The following ADGRL2 variants were observed in gnomAD, a reference collection of about 807,000 sequenced individuals.
ADGRL2 encodes adhesion G protein-coupled receptor L2.
In ADGRL2, 44 loss-of-function variants were observed where a neutral mutation model predicts 157.4. That is an observed-to-expected ratio of 0.28 (90% CI 0.22 to 0.36). The LOEUF is 0.36. ADGRL2 is among the 10% of genes least tolerant of loss of function. ADGRL2 has a pLI of 1.00. For synonymous variants in ADGRL2, 585 were observed against 624.7 expected (o/e 0.94, Z 0.95); for missense variants, 1,510 against 1,768.9 (o/e 0.85, Z 2.63).
intron 1 of ADGRL2, among the ~76,000 whole-genome samples, chr1:81,830,152 G>T (rs2091838335): frequency 6.6e-6 from 1 of 152,076 alleles, no homozygotes; most frequent in Non-Finnish European, 1.5e-5. Context: ...CTTGAAGGTG[G>T]CAGCTATATC....
intron 1 of ADGRL2, among the ~76,000 whole-genome samples, chr1:81,440,158 T>C (rs556290615): frequency 2.6e-5 from 4 of 152,196 alleles, no homozygotes; most frequent in Non-Finnish European, 4.4e-5. Flanking sequence ...TGAGGATCAA[T>C]CAGAGGAAAG....
rs1013547957 is a variant in ADGRL2 at position 81,992,771 on chromosome 1, A to T, written c.*1626A>T. On this transcript the variant is annotated 3_prime_UTR_variant, in exon 24 of 24. Coordinates refer to ENST00000686636, the MANE Select transcript of ADGRL2 (RefSeq NM_001366006.2). ...AGCAGTATTGGGAAGTTTCTTAAAC[A>T]TACTTTAAGGATTATAAATATCCCT... 2.0e-5 allele frequency among the ~76,000 whole-genome samples: 3 copies of T among 152,078 alleles called. No homozygotes were observed. The highest frequency in any genetic ancestry group is 2.9e-5 in the Non-Finnish European group (2 of 68,012).
chr1:81,528,689 G>A (rs978363130), intron 2 of ADGRL2, among the ~76,000 whole-genome samples: 3 of 149,100 alleles, frequency 2.0e-5, no homozygotes, highest in Non-Finnish European at 4.4e-5. Flanking sequence ...AAAGAAACTG[G>A]CCCTTATTCA....
chr1:81,698,378 T>C (rs2083487902), upstream of ADGRL2, among the ~76,000 whole-genome samples: 1 of 152,174 alleles, frequency 6.6e-6, no homozygotes, highest in East Asian at 1.9e-4. Flanking sequence ...CTTCAAGAGT[T>C]TGTAGGTTAG....
chr1:81,365,651 C>T (rs900419154), intron 1 of ADGRL2, among the ~76,000 whole-genome samples: 1 of 152,116 alleles, frequency 6.6e-6, no homozygotes, highest in African/African-American at 2.4e-5. Flanking sequence ...GGAAGGATAA[C>T]GGAGGATCAT....
At chr1:81,483,099 C>T (rs1253267841) in intron 2 of ADGRL2, among the ~76,000 whole-genome samples, 1 of 152,096 alleles carries the variant, frequency 6.6e-6, no homozygotes, top group African/African-American at 2.4e-5. Context: ...AGAACCCAGA[C>T]TCACCAATAG....
chr1:81,513,618 C>T (rs1337504915), intron 2 of ADGRL2, among the ~76,000 whole-genome samples: 2 of 152,054 alleles, frequency 1.3e-5, no homozygotes, highest in South Asian at 2.1e-4. Context: ...GAAACAGAAC[C>T]GAGACACAAT....
chr1:81,405,959 G>A (rs2076847218), intron 1 of ADGRL2, among the ~76,000 whole-genome samples: 1 of 152,114 alleles, frequency 6.6e-6, no homozygotes, highest in African/African-American at 2.4e-5. Context: ...TAATTAATCT[G>A]AGGTTTCAGG....
intron 1 of ADGRL2, among the ~76,000 whole-genome samples, chr1:81,388,505 T>C (rs1436149208): frequency 1.3e-5 from 2 of 152,194 alleles, no homozygotes; most frequent in African/African-American, 2.4e-5. Flanking sequence ...GAATGTTTTA[T>C]CTTCTCACTC....
At chr1:81,803,060 C>G (rs1468805878) in intron 1 of ADGRL2, among the ~76,000 whole-genome samples, 1 of 152,090 alleles carries the variant, frequency 6.6e-6, no homozygotes, top group Non-Finnish European at 1.5e-5. Context: ...CGCGTTGGGC[C>G]TGCGGGAGAA....
rs371732892 is a variant in ADGRL2, at chr1:81,858,455, T to G, written c.73+21398T>G. Among the ~76,000 whole-genome samples the G allele has an allele frequency of 1.1e-3, 171 of 152,306 alleles. 6 individuals are homozygous for G. The South Asian group carries it at 0.032, about 29-fold the overall frequency. On this transcript the variant is annotated intron_variant, in intron 2 of 23. Coordinates refer to ENST00000686636, the MANE Select transcript of ADGRL2 (RefSeq NM_001366006.2). ...AAGAACTGAAACTAAGGACAATGAA[T>G]ATCATTTTACCGTTCCTGTAAAATT...
intron 2 of ADGRL2, 98 bp from the exon 3 acceptor site, chr1:81,906,919 G>T: frequency 2.1e-6 from 2 of 955,044 alleles, no homozygotes; most frequent in Admixed American, 2.5e-5. Flanking sequence ...GACATCTCTT[G>T]ACGATAGACA....
chr1:81,946,701 A>T (rs141369235), intron 6 of ADGRL2, among the ~76,000 whole-genome samples: 1 of 152,166 alleles, frequency 6.6e-6, no homozygotes, highest in African/African-American at 2.4e-5. Flanking sequence ...TATATATAGC[A>T]TAGAATTCAT....
chr1:81,441,924 C>G (rs1460838216), intron 1 of ADGRL2, among the ~76,000 whole-genome samples: 1 of 152,152 alleles, frequency 6.6e-6, no homozygotes, highest in Non-Finnish European at 1.5e-5. Context: ...ACTGCAGGAC[C>G]TCCTGGCCTC....
intron 6 of ADGRL2, among the ~76,000 whole-genome samples, chr1:81,947,451 T>C (rs1650269762): frequency 6.6e-6 from 1 of 152,072 alleles, no homozygotes; most frequent in Non-Finnish European, 1.5e-5. Flanking sequence ...CATTTAAGAG[T>C]ATGGGAAAGT....
chr1:81,418,229 A>G (rs760940276), intron 1 of ADGRL2, among the ~76,000 whole-genome samples: 2 of 152,236 alleles, frequency 1.3e-5, no homozygotes, highest in Non-Finnish European at 2.9e-5. Context: ...TAAAGTTTTA[A>G]AAGGCTAAAA....
intron 2 of ADGRL2, among the ~76,000 whole-genome samples, chr1:81,850,741 G>A (rs2092974642): frequency 6.6e-6 from 1 of 151,820 alleles, no homozygotes; most frequent in African/African-American, 2.4e-5. Context: ...CACTGGAAAT[G>A]TGACTAATGT....
intron 2 of ADGRL2, among the ~76,000 whole-genome samples, chr1:81,882,032 T>C (rs1308590830): frequency 6.6e-6 from 1 of 152,198 alleles, no homozygotes; most frequent in African/African-American, 2.4e-5. Context: ...TATGCCAAGA[T>C]AGATGTACTA....
chr1:81,324,556 A>C (rs1266018969), intron 1 of ADGRL2, among the ~76,000 whole-genome samples: 1 of 149,338 alleles, frequency 6.7e-6, no homozygotes, highest in East Asian at 1.9e-4. Flanking sequence ...TTATATATTA[A>C]AAAGTTATAT....
Sources: gnomAD v4.1 joint callset for allele counts (sites outside exome capture counted in the v4.1 genomes callset) on GRCh38, gnomAD v4.1.1 for gene constraint, MANE v1.5 for transcripts, NCBI Gene and HGNC (gene_info 2026-07-23, HGNC 2026-07-21) for gene names.